The following NEMP2 variants were observed in gnomAD, a reference collection of about 807,000 sequenced individuals.
NEMP2 encodes the protein nuclear envelope integral membrane protein 2, also known as UPF0571 transmembrane protein.
A neutral mutation model predicts 54.2 loss-of-function variants in NEMP2; 53 were observed. The observed-to-expected ratio is 0.98, with a 90% confidence interval of 0.78 to 1.23. The LOEUF (loss-of-function observed/expected upper bound fraction) is 1.23, where lower values mean the gene tolerates loss of function less well. Ranked by LOEUF, NEMP2 falls within the 50% of genes most tolerant of loss-of-function variation. The pLI, the probability that NEMP2 is intolerant of heterozygous loss-of-function variation, is 0.00. For missense variants in NEMP2, 455 were observed against 511.3 expected (o/e 0.89, Z 1.06); for synonymous variants, 197 against 190.3 (o/e 1.04, Z -0.29).
the NEMP2 span, among the ~76,000 whole-genome samples, chr2:190,558,107 A>C: frequency 6.6e-6 from 1 of 152,374 alleles, no homozygotes; most frequent in African/African-American, 2.4e-5. This position sits in a 1 kb window ranked among gnomAD's most constrained non-coding sequence, Gnocchi z 4.4. Context: ...GATAAAGAAA[A>C]TGTGGCACAT....
the NEMP2 span, among the ~76,000 whole-genome samples, chr2:190,627,636 C>G: frequency 7.3e-5 from 11 of 151,012 alleles, no homozygotes; most frequent in Admixed American, 2.0e-4. This position sits in a 1 kb window ranked among gnomAD's most constrained non-coding sequence, Gnocchi z 4.4. Flanking sequence ...TTGTATTTCC[C>G]TCATCTCCAT....
the NEMP2 span, among the ~76,000 whole-genome samples, chr2:190,606,079 T>C: frequency 1.3e-5 from 2 of 152,224 alleles, no homozygotes; most frequent in Non-Finnish European, 2.9e-5. Context: ...CACCTTCCAG[T>C]CTTGCGCTTG....
upstream of NEMP2, chr2:190,536,116 A>G (rs566946539): frequency 6.6e-6 from 1 of 152,386 alleles, no homozygotes; most frequent in Admixed American, 6.5e-5. Context: ...ATCTGTAAAG[A>G]AGCTATATTG....
At chr2:190,638,502 C>A in the NEMP2 span, among the ~76,000 whole-genome samples, 1 of 152,030 alleles carries the variant, frequency 6.6e-6, no homozygotes, top group East Asian at 1.9e-4. This position sits in a 1 kb window ranked among gnomAD's most constrained non-coding sequence, Gnocchi z 5.7. Context: ...TGTCAATAGT[C>A]CTGACGAAAA....
At chr2:190,437,961 T>A in the NEMP2 span, among the ~76,000 whole-genome samples, 8 of 152,166 alleles carry the variant, frequency 5.3e-5, no homozygotes, top group African/African-American at 1.4e-4. The surrounding 1 kb of genome is among the most constrained non-coding windows in gnomAD (Gnocchi z 5.9). Context: ...TGGACTTTTT[T>A]AAGCCTTTAT....
At chr2:190,640,177 TTAAC>T in the NEMP2 span, among the ~76,000 whole-genome samples, 114 of 152,282 alleles carry the variant, frequency 7.5e-4, no homozygotes, top group South Asian at 7.2e-3. Context: ...GATATCTTAT[TTAAC>T]TAATACATTA....
rs1690881836 is a variant in NEMP2 at position 190,525,012 on chromosome 2, A to G, written c.213+251T>C. Among the ~76,000 whole-genome samples, 1 of 152,214 alleles carries G rather than the reference A, an allele frequency of 6.6e-6. No homozygotes were observed. The highest frequency in any genetic ancestry group is 1.5e-5 in the Non-Finnish European group (1 of 68,034). On this transcript the variant is annotated intron_variant, in intron 2 of 8. Transcript: ENST00000409150. This position sits in a 1 kb window ranked among gnomAD's most constrained non-coding sequence, Gnocchi z 5.0. Reference sequence around the variant, plus strand: ...ACTGCCTGAACAGCAGGCATGCTGTATACATTTAGATAGTATATTCATTGG... The same window carrying G: ...ACTGCCTGAACAGCAGGCATGCTGTGTACATTTAGATAGTATATTCATTGG...
At position 190,529,386 on chromosome 2, in the gene NEMP2, G is replaced by C. The variant is rs1022611581; in HGVS notation, c.98-4008C>G. On this transcript the variant is annotated intron_variant, in intron 1 of 8. Transcript: ENST00000409150. This position sits in a 1 kb window ranked among gnomAD's most constrained non-coding sequence, Gnocchi z 4.7. ...GCCTTCCTGTCCTCAAGATGCCAGC[G>C]AGCCCCCACATAAAGTTTCCTCAGT... Among the ~76,000 whole-genome samples the C allele has an allele frequency of 1.3e-5, 2 of 151,840 alleles. No homozygotes were observed. Among genetic ancestry groups the C allele is most frequent in the Non-Finnish European group, 2.9e-5 (2 of 67,994 alleles).
At chr2:190,615,820 G>C in the NEMP2 span, among the ~76,000 whole-genome samples, 2 of 152,172 alleles carry the variant, frequency 1.3e-5, no homozygotes, top group East Asian at 3.9e-4. This position sits in a 1 kb window ranked among gnomAD's most constrained non-coding sequence, Gnocchi z 4.7. Context: ...CAGGAAATAG[G>C]AGGAGAGACC....
the NEMP2 span, chr2:190,628,307 G>C: frequency 6.6e-6 from 1 of 152,224 alleles, no homozygotes; most frequent in African/African-American, 2.4e-5. The surrounding 1 kb of genome is among the most constrained non-coding windows in gnomAD (Gnocchi z 4.1). Flanking sequence ...CCTTGAAGCA[G>C]ACGTCAATGG....
At chr2:190,534,733 C>T (rs557821611), upstream of NEMP2, 19 of 1,096,546 alleles carry the variant, frequency 1.7e-5, no homozygotes, top group East Asian at 5.5e-4. Context: ...GGCGCGGGGG[C>T]TCAGAGAAGG....
chr2:190,462,726 G>T, the NEMP2 span, among the ~76,000 whole-genome samples: 2 of 152,152 alleles, frequency 1.3e-5, no homozygotes, highest in South Asian at 4.1e-4. This position sits in a 1 kb window ranked among gnomAD's most constrained non-coding sequence, Gnocchi z 5.7. Flanking sequence ...TCAACAGTGG[G>T]ACTCTCAAAA....
chr2:190,474,817 A>G, the NEMP2 span, among the ~76,000 whole-genome samples: 2 of 152,228 alleles, frequency 1.3e-5, no homozygotes, highest in East Asian at 1.9e-4. Context: ...AAAATCCTCA[A>G]TAAAATACTG....
the NEMP2 span, chr2:190,629,931 G>A: frequency 3.3e-5 from 5 of 152,150 alleles, no homozygotes; most frequent in Admixed American, 6.5e-5. Context: ...ACATGGCTTC[G>A]CCAGTACAAT....
intron 2 of NEMP2, among the ~76,000 whole-genome samples, chr2:190,524,930 A>G (rs926852326): frequency 3.3e-5 from 5 of 152,206 alleles, no homozygotes; most frequent in African/African-American, 1.2e-4. Flanking sequence ...CAGAATTTCT[A>G]TTTGGAGGGG....
the NEMP2 span, chr2:190,488,718 T>C: frequency 6.2e-7 from 1 of 1,608,416 alleles, no homozygotes; most frequent in Non-Finnish European, 8.5e-7. This position sits in a 1 kb window ranked among gnomAD's most constrained non-coding sequence, Gnocchi z 6.4. Flanking sequence ...CCGTTCCCCC[T>C]GAGCTGAGGA....
chr2:190,468,406 T>G, the NEMP2 span, among the ~76,000 whole-genome samples: 1 of 152,124 alleles, frequency 6.6e-6, no homozygotes. Flanking sequence ...GCATTTCCCT[T>G]TGTTGATTCA....
the NEMP2 span, among the ~76,000 whole-genome samples, chr2:190,491,295 T>G: frequency 9.8e-5 from 15 of 152,304 alleles, no homozygotes; most frequent in African/African-American, 3.4e-4. The surrounding 1 kb of genome is among the most constrained non-coding windows in gnomAD (Gnocchi z 4.2). Context: ...CACACTCAGG[T>G]GGACCGAGTA....
the NEMP2 span, chr2:190,433,279 A>C: frequency 2.0e-5 from 3 of 152,212 alleles, no homozygotes; most frequent in Non-Finnish European, 4.4e-5. The surrounding 1 kb of genome is among the most constrained non-coding windows in gnomAD (Gnocchi z 4.5). Flanking sequence ...TCAGGAATTA[A>C]ATTAATTTAG....
Sources: allele counts gnomAD v4.1 joint callset (sites outside exome capture counted in the v4.1 genomes callset), GRCh38; gene constraint gnomAD v4.1.1; non-coding constraint Gnocchi (gnomAD v3.1); transcripts MANE v1.5; gene names NCBI Gene and HGNC (gene_info 2026-07-23, HGNC 2026-07-21).